The following YTHDC1 variants were observed in gnomAD, a reference collection of about 807,000 sequenced individuals.
YTHDC1 encodes YTH domain-containing protein 1.
A neutral mutation model predicts 107.0 loss-of-function variants in YTHDC1; 12 were observed. That is an observed-to-expected ratio of 0.11 (90% CI 0.07 to 0.18). The LOEUF (loss-of-function observed/expected upper bound fraction) is 0.18, where lower values mean the gene tolerates loss of function less well. YTHDC1 is among the 10% of genes least tolerant of loss of function. The pLI is 1.00. For synonymous variants in YTHDC1, 280 were observed against 289.5 expected, an observed-to-expected ratio of 0.97 and a Z score of 0.33; for missense variants, 635 against 898.8, an observed-to-expected ratio of 0.71 and a Z score of 3.75.
At position 68,314,127 on chromosome 4, in the gene YTHDC1, C is replaced by A; in HGVS notation, c.2156G>T (p.Arg719Leu). 3.7e-6 allele frequency: 6 copies of A among 1,614,086 alleles called. No individual in the cohort carries two copies. Among genetic ancestry groups the A allele is most frequent in the South Asian group, 1.1e-5 (1 of 91,086 alleles). The change falls in exon 17 of 17, where the codon CGA (arginine) becomes CTA (leucine). Residue 719 changes from arginine (R) to leucine (L), a missense_variant. Arg to Leu is a moderately radical substitution (Grantham distance 102, BLOSUM62 -2). This residue lies in a region of YTHDC1 where 256 missense variants were observed against 372.9 expected (regional missense o/e 0.69). Coordinates refer to ENST00000344157, the MANE Select transcript of YTHDC1 (RefSeq NM_001031732.4). The stretch of plus-strand genomic sequence containing the variant: ...TCTTCTATATCGACCTCTCTCCCCT[C>A]GGTCTCTGTCTCGATCACATAATCG... ...RERLCDRDRDRGERGRYRR is the reference protein window; with the variant it reads ...RERLCDRDRDLGERGRYRR
At chr4:68,316,899 T>C (rs899673448) in intron 15 of YTHDC1, among the ~76,000 whole-genome samples, 2 of 152,196 alleles carry the variant, frequency 1.3e-5, no homozygotes, top group East Asian at 1.9e-4. Context: ...AGTTCTGCAG[T>C]TGGTAAACTG....
intron 9 of YTHDC1, among the ~76,000 whole-genome samples, chr4:68,328,934 C>A (rs935723942): frequency 3.9e-5 from 6 of 152,248 alleles, no homozygotes; most frequent in African/African-American, 1.4e-4. Flanking sequence ...ACTTGTGTAT[C>A]TAAACATAGA....
In YTHDC1 at chr4:68,313,459, C is replaced by T. The variant is rs1721466807; in HGVS notation, c.*640G>A. ...TTTGGAGGGGAAGGCTAAACAATAGCATCAACCACGCTACTGAACATAGGA... is the reference window on the plus strand; with the variant it reads ...TTTGGAGGGGAAGGCTAAACAATAGTATCAACCACGCTACTGAACATAGGA... On this transcript the variant is annotated 3_prime_UTR_variant, in exon 17 of 17. Coordinates refer to ENST00000344157, the MANE Select transcript of YTHDC1 (RefSeq NM_001031732.4). 1 of 152,674 alleles carries T rather than the reference C, an allele frequency of 6.5e-6. No individual in the cohort carries two copies. Among genetic ancestry groups the T allele is most frequent in the Non-Finnish European group, 1.5e-5 (1 of 68,114 alleles). 9.5% of individuals were successfully genotyped at this position (152,674 alleles called of 1,614,324 possible).
chr4:68,327,732 G>A (rs1185581104), intron 9 of YTHDC1, among the ~76,000 whole-genome samples: 2 of 152,086 alleles, frequency 1.3e-5, no homozygotes, highest in Admixed American at 6.6e-5. Context: ...AAATTTAAAT[G>A]TTCTGAGACT....
intron 1 of YTHDC1, among the ~76,000 whole-genome samples, chr4:68,348,747 C>A (rs1725726401): frequency 6.6e-6 from 1 of 152,022 alleles, no homozygotes; most frequent in South Asian, 2.1e-4. Context: ...CAACCCCCGA[C>A]AAAAAAACCC....
At chr4:68,333,722 C>G (rs558449099) in intron 4 of YTHDC1, among the ~76,000 whole-genome samples, 4 of 152,042 alleles carry the variant, frequency 2.6e-5, no homozygotes, top group African/African-American at 9.7e-5. Context: ...AAAACAATTT[C>G]TTTCAAAACT....
chr4:68,323,561 G>C (rs186697133), intron 10 of YTHDC1, among the ~76,000 whole-genome samples: 1 of 152,052 alleles, frequency 6.6e-6, no homozygotes, highest in East Asian at 1.9e-4. Flanking sequence ...ACCCTGTCTC[G>C]ACCGAAAATA....
At chr4:68,320,275 T>C in intron 11 of YTHDC1, 70 bp from the exon 12 acceptor site, 3 of 1,144,090 alleles carry the variant, frequency 2.6e-6, no homozygotes, top group South Asian at 2.8e-5. Flanking sequence ...AGCAAGAGTT[T>C]CTGACAGAGA....
At chr4:68,334,830 C>G (rs1276808411) in intron 4 of YTHDC1, among the ~76,000 whole-genome samples, 3 of 152,018 alleles carry the variant, frequency 2.0e-5, no homozygotes, top group African/African-American at 7.2e-5. Flanking sequence ...TCGAGACCAG[C>G]CTGGGCAACA....
intron 15 of YTHDC1, among the ~76,000 whole-genome samples, chr4:68,317,378 C>G (rs1465034314): frequency 6.6e-6 from 1 of 151,984 alleles, no homozygotes; most frequent in African/African-American, 2.4e-5. Flanking sequence ...GTCTCATAAT[C>G]ATCTGCATAT....
chr4:68,331,721 A>C (rs1723601903), intron 7 of YTHDC1, among the ~76,000 whole-genome samples: 1 of 152,064 alleles, frequency 6.6e-6, no homozygotes, highest in Admixed American at 6.6e-5. Flanking sequence ...AAGAACCTCA[A>C]AGTGTAAATC....
intron 10 of YTHDC1, among the ~76,000 whole-genome samples, chr4:68,323,658 A>G (rs908159499): frequency 2.6e-5 from 4 of 152,222 alleles, no homozygotes; most frequent in Non-Finnish European, 4.4e-5. Context: ...TCAGAATTAC[A>G]TGTGAGAATT....
chr4:68,347,330 T>C (rs946986989), intron 1 of YTHDC1, among the ~76,000 whole-genome samples: 1 of 152,160 alleles, frequency 6.6e-6, no homozygotes. Flanking sequence ...ATTTCCTCCT[T>C]ATATAGAAAA....
intron 7 of YTHDC1, 118 bp from the exon 8 acceptor site, chr4:68,330,428 T>C (rs1273362926): frequency 1.7e-6 from 1 of 582,948 alleles, no homozygotes; most frequent in Non-Finnish European, 2.8e-6. Flanking sequence ...TAAGCTATAA[T>C]GAAGAAAGGT....
At chr4:68,346,098 T>TATATATATATAC (rs1553908019) in intron 1 of YTHDC1, among the ~76,000 whole-genome samples, 1 of 141,494 alleles carries the variant, frequency 7.1e-6, no homozygotes, top group African/African-American at 2.7e-5. Flanking sequence ...TATATATATA[T>TATATATATATAC]ATACACACAC....
rs115501883 is a variant in YTHDC1 at position 68,323,590 on chromosome 4, G to A, written c.1434+549C>T. On this transcript the variant is annotated intron_variant, in intron 10 of 16. Transcript: ENST00000344157. ...GAAAATACAAAAATTAGCCACTCTC[G>A]TAACCTGGTTTCCAAAAAAATTAAA... 5.8e-3 allele frequency among the ~76,000 whole-genome samples: 882 copies of A among 152,032 alleles called. 11 individuals carry two copies. Among genetic ancestry groups the A allele is most frequent in the African/African-American group, 0.02 (819 of 41,468 alleles).
intron 1 of YTHDC1, among the ~76,000 whole-genome samples, chr4:68,341,181 T>G (rs866044067): frequency 1.3e-5 from 2 of 152,278 alleles, no homozygotes; most frequent in Middle Eastern, 3.4e-3. Context: ...CAAATACACT[T>G]GTCTAGTAAC....
chr4:68,341,943 T>C (rs898692712), intron 1 of YTHDC1, among the ~76,000 whole-genome samples: 4 of 152,136 alleles, frequency 2.6e-5, no homozygotes, highest in Non-Finnish European at 5.9e-5. Context: ...GTAAGAAGAC[T>C]CTCCTTCCTT....
chr4:68,343,544 T>TG (rs33931776), intron 1 of YTHDC1, among the ~76,000 whole-genome samples: 125 of 31,890 alleles, frequency 3.9e-3, no homozygotes, highest in Non-Finnish European at 7.6e-3. Flanking sequence ...AAAAAAAAAA[T>TG]TTTTTTTTTT....
Sources: gnomAD v4.1 joint callset for allele counts (sites outside exome capture counted in the v4.1 genomes callset) on GRCh38, gnomAD v4.1.1 for gene constraint, gnomAD v4.1.1 regional missense constraint, MANE v1.5 for transcripts, NCBI Gene and HGNC (gene_info 2026-07-23, HGNC 2026-07-21) for gene names.